The following DYNC2H1 variants were observed in gnomAD, a reference collection of about 807,000 sequenced individuals.
DYNC2H1 encodes cytoplasmic dynein 2 heavy chain 1.
In DYNC2H1, 410 loss-of-function variants were observed where a neutral mutation model predicts 570.0. The ratio of observed to expected loss-of-function variants is 0.72; its 90% CI spans 0.66 to 0.78. DYNC2H1 has a LOEUF of 0.78. Among genes scored for constraint, DYNC2H1 ranks in the 30% least tolerant of loss-of-function variants. The pLI, the probability that DYNC2H1 is intolerant of heterozygous loss-of-function variation, is 0.00. For synonymous variants in DYNC2H1, 1,688 were observed against 1,677.6 expected, an observed-to-expected ratio of 1.01 and a Z score of -0.15; for missense variants, 4,865 against 5,046.4, an observed-to-expected ratio of 0.96 and a Z score of 1.09.
At chr11:103,238,760 C>T (rs1441598675) in intron 63 of DYNC2H1, among the ~76,000 whole-genome samples, 2 of 152,128 alleles carry the variant, frequency 1.3e-5, no homozygotes, top group Non-Finnish European at 2.9e-5. Context: ...CATGTATTGC[C>T]GCAGAGAGTA....
Position 103,253,467 on chromosome 11 carries a change from AATT to A in DYNC2H1, c.10206+20_10206+22del. On this transcript the variant is annotated intron_variant, in intron 66 of 88. Coordinates refer to ENST00000375735, the MANE Select transcript of DYNC2H1 (RefSeq NM_001377.3). ...AGGGCAGGTATACATAGATAATAATAATTTACCTTGGAATCTTTTCGAGCTTTA... is the reference window on the plus strand; with the variant it reads ...AGGGCAGGTATACATAGATAATAATATACCTTGGAATCTTTTCGAGCTTTA... 6.3e-7 allele frequency: 1 copy of A among 1,578,546 alleles called. No homozygotes were observed. The highest frequency in any genetic ancestry group is 8.6e-7 in the Non-Finnish European group (1 of 1,159,358).
intron 85 of DYNC2H1, among the ~76,000 whole-genome samples, chr11:103,449,589 C>A (rs1182240718): frequency 6.6e-6 from 1 of 152,256 alleles, no homozygotes; most frequent in Non-Finnish European, 1.5e-5. Flanking sequence ...GTTATTCATA[C>A]CAAGTCACAC....
rs781691287 is a variant in DYNC2H1 at position 103,198,018 on chromosome 11, A to G, written c.7794A>G (p.Pro2598=). 1.4e-5 allele frequency: 22 copies of G among 1,554,404 alleles called. No individual in the cohort carries two copies. The Admixed American group carries it at 2.7e-4, about 19-fold the overall frequency. Residue 2598 remains proline (P), a synonymous_variant, in exon 48 of 89, where the codon CCA becomes CCG. Transcript: ENST00000375735. The part of the protein sequence containing the change: ...PGQPLPPHGK[P]LGKLNSTDLK... ...AACCATTACCTCCACATGGAAAACCACTTGGAAAACTAAACTCTACTGATC... is the reference window on the plus strand; with the variant it reads ...AACCATTACCTCCACATGGAAAACCGCTTGGAAAACTAAACTCTACTGATC...
In DYNC2H1 at chr11:103,151,851, T is replaced by C. The variant is rs1860560850; in HGVS notation, c.2947-285T>C. Among the ~76,000 whole-genome samples the C allele has an allele frequency of 6.6e-6, 1 of 152,174 alleles. No homozygotes were observed. Among genetic ancestry groups the C allele is most frequent in the African/African-American group, 2.4e-5 (1 of 41,454 alleles). On this transcript the variant is annotated intron_variant, in intron 20 of 88. Coordinates refer to ENST00000375735, the MANE Select transcript of DYNC2H1 (RefSeq NM_001377.3). This position sits in a 1 kb window ranked among gnomAD's most constrained non-coding sequence, Gnocchi z 4.6. ...CTTTGATAAACTGTAGTATTATCTT[T>C]ATGGATTTCATTTAGTCTCATATTA...
rs370392119 is a variant in DYNC2H1, at chr11:103,135,631, A to G, written c.2342A>G (p.Tyr781Cys). ...NLPEINIDLT[Y>C]KQGRLQFRPP... ...CCAGAAATAAATATAGACTTAACTT[A>G]CAAGTAAGATGTTTTTTCAACCCCA... The change falls in exon 16 of 89, where the codon TAC becomes TGC. Residue 781 changes from tyrosine to cysteine, a missense_variant. Around this residue, in one of 5 missense-constraint regions of DYNC2H1, gnomAD observed 1,936 missense variants for 1,962.1 expected, o/e 0.99. Transcript: ENST00000375735. 98 of 1,611,590 alleles carry G rather than the reference A, an allele frequency of 6.1e-5. No homozygotes were observed. Among genetic ancestry groups the G allele is most frequent in the Admixed American group, 1.0e-4 (6 of 59,630 alleles).
chr11:103,280,501 C>A lies in DYNC2H1; in HGVS notation c.10761+88C>A. 1 of 1,176,294 alleles carries A rather than the reference C, an allele frequency of 8.5e-7. No homozygotes were observed. The highest frequency in any genetic ancestry group is 1.2e-6 in the Non-Finnish European group (1 of 816,642). 72.9% of individuals were successfully genotyped at this position (1,176,294 alleles called of 1,614,324 possible). A position where few individuals can be genotyped will look rare whatever the true frequency, so the allele number is the denominator to read the frequency against. On this transcript the variant is annotated intron_variant, in intron 71 of 88. Coordinates refer to ENST00000375735, the MANE Select transcript of DYNC2H1 (RefSeq NM_001377.3). This position sits in a 1 kb window ranked among gnomAD's most constrained non-coding sequence, Gnocchi z 4.7. ...ATGTTTAGATTAGAAATTATTTAGGCTAGAAATTATATATCAACCTATTAA... is the reference window on the plus strand; with the variant it reads ...ATGTTTAGATTAGAAATTATTTAGGATAGAAATTATATATCAACCTATTAA...
chr11:103,143,689 G>A (rs1038793077), intron 18 of DYNC2H1, among the ~76,000 whole-genome samples: 5 of 152,048 alleles, frequency 3.3e-5, no homozygotes, highest in African/African-American at 4.8e-5. Context: ...TCTCAGTATG[G>A]TTAGAAGCTA....
chr11:103,353,416 A>T (rs184675093), intron 82 of DYNC2H1, among the ~76,000 whole-genome samples: 2 of 152,254 alleles, frequency 1.3e-5, no homozygotes, highest in African/African-American at 4.8e-5. Flanking sequence ...TGATCTACCA[A>T]TTGCTGAGAA....
chr11:103,274,658 A>T (rs1054878631), intron 70 of DYNC2H1, among the ~76,000 whole-genome samples: 2 of 152,026 alleles, frequency 1.3e-5, no homozygotes, highest in Admixed American at 1.3e-4. Context: ...CAAAAGACAC[A>T]CCTTGCTTTT....
rs1591547075 is a variant in DYNC2H1 at position 103,303,108 on chromosome 11, C to G, written c.11111C>G (p.Ser3704Cys). The G allele has an allele frequency of 1.3e-6, 2 of 1,575,632 alleles. No homozygotes were observed. Among genetic ancestry groups the G allele is most frequent in the African/African-American group, 1.3e-5 (1 of 74,178 alleles). Residue 3704 changes from serine to cysteine, a missense_variant, in exon 76 of 89, where the codon TCC (serine) becomes TGC (cysteine). Ser to Cys is a moderately radical substitution (Grantham distance 112). Coordinates refer to ENST00000375735, the MANE Select transcript of DYNC2H1 (RefSeq NM_001377.3). ...ACKTLGLKEV[S>C]PLPLNLKRLY... ...TATATTTTAGGACTGAAAGAGGTGT[C>G]CCCACTGCCTCTAAATCTCAAACGT...
chr11:103,216,613 G>A lies in DYNC2H1; in HGVS notation c.8832+755G>A, dbSNP rs116485023. Among the ~76,000 whole-genome samples, 1,329 of 152,118 alleles carry A rather than the reference G, an allele frequency of 8.7e-3. 15 individuals are homozygous for A. The highest frequency in any genetic ancestry group is 0.03 in the African/African-American group (1,265 of 41,508). On this transcript the variant is annotated intron_variant, in intron 55 of 88. Transcript: ENST00000375735. ...TAAGGACCAGCCTGGGCAATATAGTGAGACCTTATCTCTACAAAAAAAGTA... is the reference window on the plus strand; with the variant it reads ...TAAGGACCAGCCTGGGCAATATAGTAAGACCTTATCTCTACAAAAAAAGTA...
chr11:103,297,655 A>T (rs531221151), intron 75 of DYNC2H1, among the ~76,000 whole-genome samples: 1 of 152,242 alleles, frequency 6.6e-6, no homozygotes, highest in Non-Finnish European at 1.5e-5. Flanking sequence ...TTATAATCTT[A>T]TGGAACAACC....
intron 84 of DYNC2H1, among the ~76,000 whole-genome samples, chr11:103,422,383 CA>C (rs1227406085): frequency 6.6e-6 from 1 of 151,746 alleles, no homozygotes; most frequent in Non-Finnish European, 1.5e-5. Context: ...GCAGAGACAA[CA>C]AAAAAAGAAA....
chr11:103,274,498 C>A (rs954731706), intron 70 of DYNC2H1, among the ~76,000 whole-genome samples: 5 of 146,804 alleles, frequency 3.4e-5, no homozygotes, highest in African/African-American at 1.3e-4. Context: ...TTATGTATTT[C>A]TTTACCTTAA....
chr11:103,117,232 G>GTATATATATATTTAATATATATATTTTA (rs1310607057), intron 5 of DYNC2H1, among the ~76,000 whole-genome samples: 11 of 144,946 alleles, frequency 7.6e-5, no homozygotes, highest in African/African-American at 1.3e-4. Flanking sequence ...TTTAATATAT[G>GTATATATATATTTAATATATATATTTTA]TATATATATA....
At position 103,170,987 on chromosome 11, in the gene DYNC2H1, G is replaced by T. The variant is rs572962177; in HGVS notation, c.5253G>T (p.Leu1751=). 7 of 1,611,928 alleles carry T rather than the reference G, an allele frequency of 4.3e-6. No individual in the cohort carries two copies. Among genetic ancestry groups the T allele is most frequent in the Non-Finnish European group, 5.9e-6 (7 of 1,178,660 alleles). ...DEFNRLEESV[L]SAVSMQIQTI... is the part of the protein sequence containing the mutation. ...TTAATAGGCTGGAAGAATCTGTACTGTCAGCAGTTTCTATGCAAATCCAGA... is the reference window on the plus strand; with the variant it reads ...TTAATAGGCTGGAAGAATCTGTACTTTCAGCAGTTTCTATGCAAATCCAGA... The change falls in exon 34 of 89, where the codon CTG becomes CTT. Residue 1751 remains leucine (L), a synonymous_variant. Transcript: ENST00000375735. The surrounding 1 kb of genome is among the most constrained non-coding windows in gnomAD (Gnocchi z 4.8).
intron 85 of DYNC2H1, among the ~76,000 whole-genome samples, chr11:103,445,262 G>C (rs1655392514): frequency 6.6e-6 from 1 of 152,124 alleles, no homozygotes; most frequent in South Asian, 2.1e-4. Flanking sequence ...TTTTCATTCT[G>C]CAGATGTTTC....
At chr11:103,409,018 A>C (rs1942979963) in intron 84 of DYNC2H1, among the ~76,000 whole-genome samples, 1 of 152,020 alleles carries the variant, frequency 6.6e-6, no homozygotes, top group South Asian at 2.1e-4. Flanking sequence ...CCATTTATAC[A>C]AGTCCCTATT....
At position 103,157,219 on chromosome 11, in the gene DYNC2H1, T is replaced by G. The variant is rs1860877636; in HGVS notation, c.4127+449T>G. On this transcript the variant is annotated intron_variant, in intron 26 of 88. Coordinates refer to ENST00000375735, the MANE Select transcript of DYNC2H1 (RefSeq NM_001377.3). This position sits in a 1 kb window ranked among gnomAD's most constrained non-coding sequence, Gnocchi z 4.2. ...CCTTAGCTGTCTCCAAATCTTTAGA[T>G]GTAGTCATTCTCCAGGCCTCAGCCT... 6.6e-6 allele frequency among the ~76,000 whole-genome samples: 1 copy of G among 152,200 alleles called. No homozygotes were observed. The highest frequency in any genetic ancestry group is 2.1e-4 in the South Asian group (1 of 4,830).
Sources: gnomAD v4.1 joint callset for allele counts (sites outside exome capture counted in the v4.1 genomes callset) on GRCh38, gnomAD v4.1.1 for gene constraint, gnomAD v4.1.1 regional missense constraint, Gnocchi (gnomAD v3.1) non-coding constraint, MANE v1.5 for transcripts, NCBI Gene and HGNC (gene_info 2026-07-23, HGNC 2026-07-21) for gene names.